Variants in MGAT4C observed in about 807,000 individuals in gnomAD.
MGAT4C encodes alpha-1,3-mannosyl-glycoprotein 4-beta-N-acetylglucosaminyltransferase C.
In MGAT4C, 19 loss-of-function variants were observed where a neutral mutation model predicts 40.1. The observed-to-expected ratio is 0.47, with a 90% CI of 0.33 to 0.70. MGAT4C has a LOEUF of 0.70. MGAT4C is among the 30% of genes least tolerant of loss of function. The pLI, the probability that MGAT4C is intolerant of heterozygous loss-of-function variation, is 0.02. For missense variants in MGAT4C, 491 were observed against 563.2 expected (o/e 0.87, Z 1.30); for synonymous variants, 181 against 187.1 (o/e 0.97, Z 0.27).
chr12:86,708,562 T>C (rs148538486), intron 2 of MGAT4C, among the ~76,000 whole-genome samples: 2 of 152,098 alleles, frequency 1.3e-5, no homozygotes, highest in African/African-American at 2.4e-5. Flanking sequence ...ACAGCTTGCA[T>C]GGTGCACCCA....
rs1262475636 is a variant in MGAT4C at position 86,357,047 on chromosome 12, G to A, written c.-119-22920C>T. On this transcript the variant is annotated intron_variant, in intron 3 of 7. Transcript: ENST00000548651. Reference sequence around the variant, plus strand: ...CCTCAAGTGTGTCCCTGACCCCCAAGTAGCCTAACTGGGAGGCACCTCCCA... The same window carrying A: ...CCTCAAGTGTGTCCCTGACCCCCAAATAGCCTAACTGGGAGGCACCTCCCA... 5.3e-5 allele frequency among the ~76,000 whole-genome samples: 8 copies of A among 152,160 alleles called. No individual in the cohort carries two copies. The East Asian group carries it at 1.4e-3, about 26-fold the overall frequency.
intron 2 of MGAT4C, among the ~76,000 whole-genome samples, chr12:86,462,191 A>T (rs1454899339): frequency 6.6e-6 from 1 of 152,222 alleles, no homozygotes; most frequent in African/African-American, 2.4e-5. Flanking sequence ...TTTCTAGAAT[A>T]TATTAAACAT....
intron 1 of MGAT4C, among the ~76,000 whole-genome samples, chr12:86,740,261 C>A (rs1298959124): frequency 1.3e-5 from 2 of 150,950 alleles, no homozygotes; most frequent in East Asian, 1.9e-4. Flanking sequence ...TGAAAAAATA[C>A]TACTTTTGTG....
intron 4 of MGAT4C, among the ~76,000 whole-genome samples, chr12:86,327,663 T>C: frequency 6.6e-6 from 1 of 152,212 alleles, no homozygotes; most frequent in Middle Eastern, 3.4e-3. Context: ...TGACTTAATA[T>C]ATTTAAAGAT....
intron 2 of MGAT4C, among the ~76,000 whole-genome samples, chr12:86,713,645 C>T (rs1466748064): frequency 6.6e-6 from 1 of 152,040 alleles, no homozygotes; most frequent in African/African-American, 2.4e-5. Context: ...AAACTATTTT[C>T]TGAGCTTTTA....
At chr12:86,146,859 T>C (rs953881760) in intron 1 of MGAT4C, among the ~76,000 whole-genome samples, 4 of 152,054 alleles carry the variant, frequency 2.6e-5, no homozygotes, top group South Asian at 4.1e-4. Context: ...GATTATAACA[T>C]GTACTTTCAT....
chr12:86,156,942 C>A (rs839127), intron 1 of MGAT4C, among the ~76,000 whole-genome samples: 97,931 of 151,816 alleles, frequency 0.65, 31,937 homozygotes, highest in South Asian at 0.72. Flanking sequence ...TTGGCAATTT[C>A]CCTTCTCTTT....
intron 1 of MGAT4C, among the ~76,000 whole-genome samples, chr12:86,741,883 T>G (rs1330140249): frequency 6.6e-6 from 1 of 151,444 alleles, no homozygotes; most frequent in Non-Finnish European, 1.5e-5. Context: ...TCCTCCATAG[T>G]TTTAGACTAC....
chr12:86,190,906 G>A (rs1889324999), intron 1 of MGAT4C, among the ~76,000 whole-genome samples: 1 of 152,040 alleles, frequency 6.6e-6, no homozygotes, highest in South Asian at 2.1e-4. Flanking sequence ...TTCCAGAGAA[G>A]AAGGAATTCT....
rs79232600 is a variant in MGAT4C at position 86,415,441 on chromosome 12, G to A, written c.-120+19716C>T. Among the ~76,000 whole-genome samples the A allele has an allele frequency of 5.8e-3, 881 of 152,074 alleles. 7 individuals are homozygous for A. Among genetic ancestry groups the A allele is most frequent in the African/African-American group, 0.02 (845 of 41,532 alleles). The stretch of plus-strand genomic sequence containing the variant: ...AATTGAGAGAAGAGATAGTCAGTGG[G>A]CATATGAATACACAGGAGTATCATG... On this transcript the variant is annotated intron_variant, in intron 3 of 7. Transcript: ENST00000548651.
rs565968066 is a variant in MGAT4C, at chr12:86,428,988, G to A, written c.-120+6169C>T. Among the ~76,000 whole-genome samples, 17 of 151,516 alleles carry A rather than the reference G, an allele frequency of 1.1e-4. No homozygotes were observed. In the East Asian group the frequency reaches 2.9e-3, roughly 26 times the overall value. ...TTCGATATTTATTATTTTTTCCCAT[G>A]TGCTAACTTTGGGCCTAGTTTGTTC... On this transcript the variant is annotated intron_variant, in intron 3 of 7. Transcript: ENST00000548651.
chr12:86,694,358 A>G (rs964109881), intron 2 of MGAT4C, among the ~76,000 whole-genome samples: 3 of 152,106 alleles, frequency 2.0e-5, no homozygotes, highest in Non-Finnish European at 2.9e-5. Flanking sequence ...TTTCCCTTAA[A>G]ATAACTTTTT....
rs531703680 is a variant in MGAT4C, at chr12:86,464,854, T to C, written c.-228-29589A>G. 1.3e-4 allele frequency among the ~76,000 whole-genome samples: 20 copies of C among 152,238 alleles called. 1 individual carries two copies. In the South Asian group the frequency reaches 3.9e-3, roughly 30 times the overall value. On this transcript the variant is annotated intron_variant, in intron 2 of 7. Transcript: ENST00000548651. ...CACTTATTTTTGACAAACAAGCGTA[T>C]GACTTCTATGTAAGAGTTCATTATT...
intron 2 of MGAT4C, among the ~76,000 whole-genome samples, chr12:86,436,125 G>T (rs912435711): frequency 6.6e-6 from 1 of 151,824 alleles, no homozygotes; most frequent in Non-Finnish European, 1.5e-5. Context: ...AGCGTTACCA[G>T]CAGTACCACT....
intron 1 of MGAT4C, among the ~76,000 whole-genome samples, chr12:86,056,283 G>A (rs796071793): frequency 6.6e-6 from 1 of 152,150 alleles, no homozygotes; most frequent in Non-Finnish European, 1.5e-5. Flanking sequence ...CGTGCACAAC[G>A]TGCAGGTTTG....
rs147504735 is a variant in MGAT4C, at chr12:86,835,520, A to C, written c.-262+3146T>G. Among the ~76,000 whole-genome samples, 66 of 149,780 alleles carry C rather than the reference A, an allele frequency of 4.4e-4. 1 individual carries two copies. Among genetic ancestry groups the C allele is most frequent in the Admixed American group, 1.3e-3 (20 of 15,002 alleles). On this transcript the variant is annotated intron_variant, in intron 1 of 7. Transcript: ENST00000548651. Reference sequence around the variant, plus strand: ...AATCCACGTAGCAAAATAAAATGCAAATGAAAAGGGCAAAGGGCACGGTAT... The same window carrying C: ...AATCCACGTAGCAAAATAAAATGCACATGAAAAGGGCAAAGGGCACGGTAT...
chr12:86,832,538 C>T (rs1400633590), intron 1 of MGAT4C, among the ~76,000 whole-genome samples: 2 of 151,698 alleles, frequency 1.3e-5, no homozygotes, highest in Non-Finnish European at 1.5e-5. Context: ...ATCATACCTG[C>T]GATTTACCTA....
intron 1 of MGAT4C, among the ~76,000 whole-genome samples, chr12:86,161,830 G>A (rs1885621909): frequency 6.6e-6 from 1 of 152,034 alleles, no homozygotes. Context: ...ATTAAAAAAT[G>A]GGCAAAGGAC....
At chr12:86,799,974 C>G (rs1242339431) in intron 1 of MGAT4C, among the ~76,000 whole-genome samples, 1 of 151,782 alleles carries the variant, frequency 6.6e-6, no homozygotes, top group Non-Finnish European at 1.5e-5. Context: ...AAATATGAGT[C>G]AAAACATGAA....
Sources: gnomAD v4.1 joint callset for allele counts (sites outside exome capture counted in the v4.1 genomes callset) on GRCh38, gnomAD v4.1.1 for gene constraint, MANE v1.5 for transcripts, NCBI Gene and HGNC (gene_info 2026-07-23, HGNC 2026-07-21) for gene names.